SETDB1: variants seen among roughly 807,000 people sequenced by gnomAD.
The protein encoded by SETDB1 is SET domain bifurcated histone lysine methyltransferase 1.
Under a neutral mutation model 137.4 loss-of-function variants are expected in SETDB1, and 31 were observed. That is an observed-to-expected ratio of 0.23 (90% CI 0.17 to 0.30). The LOEUF is 0.30. Among genes scored for constraint, SETDB1 ranks in the 10% least tolerant of loss-of-function variants. The pLI, the probability that SETDB1 is intolerant of heterozygous loss-of-function variation, is 1.00. For synonymous variants in SETDB1, 548 were observed against 579.9 expected (o/e 0.95, Z 0.79); for missense variants, 1,113 against 1,631.5 (o/e 0.68, Z 5.47).
chr1:150,941,790 A>C (rs767483342), intron 5 of SETDB1, among the ~76,000 whole-genome samples: 68 of 151,890 alleles, frequency 4.5e-4, no homozygotes, highest in East Asian at 1.6e-3. Context: ...GCCCAGCATT[A>C]AAGACCAGCC....
rs772786937 is a variant in SETDB1, at chr1:150,962,739, T to C, written c.3294+20T>C. 6.2e-7 allele frequency: 1 copy of C among 1,611,646 alleles called. No homozygotes were observed. Among genetic ancestry groups the C allele is most frequent in the Non-Finnish European group, 8.5e-7 (1 of 1,178,484 alleles). Reference sequence around the variant, plus strand: ...CCTGATGTAAGTCACCTCAAGCTTATTCAGAGTCTAATAAAGGAAAATGGG... The same window carrying C: ...CCTGATGTAAGTCACCTCAAGCTTACTCAGAGTCTAATAAAGGAAAATGGG... On this transcript the variant is annotated intron_variant, in intron 18 of 21. Coordinates refer to ENST00000692827, the MANE Select transcript of SETDB1 (RefSeq NM_001366418.1).
intron 3 of SETDB1, among the ~76,000 whole-genome samples, chr1:150,932,240 A>G: frequency 1.3e-5 from 2 of 151,746 alleles, no homozygotes; most frequent in South Asian, 4.2e-4. Flanking sequence ...TTTTTTAAAA[A>G]AAAAGAAAGA....
chr1:150,946,452 ATT>A (rs975202697), intron 9 of SETDB1, among the ~76,000 whole-genome samples: 31 of 151,002 alleles, frequency 2.1e-4, no homozygotes, highest in Admixed American at 1.5e-3. Context: ...TAGATAAGGA[ATT>A]TTTTTTTGGG....
Position 150,963,129 on chromosome 1 carries a change from G to C in SETDB1, c.3450G>C (p.Lys1150Asn), listed in dbSNP as rs755383271. 8.7e-6 allele frequency: 14 copies of C among 1,611,748 alleles called. No individual in the cohort carries two copies. Among genetic ancestry groups the C allele is most frequent in the East Asian group, 4.5e-5 (2 of 44,856 alleles). ...AAGGGGATGACTTTGAGGACAAGAA[G>C]AACATGACTGGTAGCCTGGAAAAAT... is the stretch of plus-strand genomic sequence containing the variant. ...GSEGDDFEDK[K>N]NMTGPMKRQV... The change falls in exon 19 of 22, where the codon AAG (lysine) becomes AAC (asparagine). Residue 1150 changes from lysine to asparagine, a missense_variant. Lys to Asn is a moderately conservative substitution (Grantham distance 94, BLOSUM62 0). Transcript: ENST00000692827.
chr1:150,945,990 C>T (rs1022864118), intron 9 of SETDB1, among the ~76,000 whole-genome samples: 2 of 144,982 alleles, frequency 1.4e-5, no homozygotes, highest in African/African-American at 5.1e-5. Context: ...GCGTGAGCCA[C>T]CACGCCTGGC....
intron 3 of SETDB1, among the ~76,000 whole-genome samples, chr1:150,938,629 G>A (rs996816285): frequency 6.7e-6 from 1 of 149,606 alleles, no homozygotes; most frequent in African/African-American, 2.5e-5. Context: ...TCAGCCTCCC[G>A]AGTAGCTGGG....
intron 3 of SETDB1, among the ~76,000 whole-genome samples, chr1:150,930,644 C>T (rs1040732128): frequency 2.2e-5 from 3 of 138,812 alleles, no homozygotes; most frequent in East Asian, 2.3e-4. Context: ...TTCTCTGCTT[C>T]GACCTCCCAA....
At chr1:150,946,359 G>A (rs7521445) in intron 9 of SETDB1, among the ~76,000 whole-genome samples, 11,123 of 152,098 alleles carry the variant, frequency 0.073, 557 homozygotes, top group East Asian at 0.18. Flanking sequence ...TGTTGCTCCT[G>A]TAATTCCTTA....
chr1:150,962,982 G>C lies in SETDB1; in HGVS notation c.3303G>C (p.Leu1101=), dbSNP rs1386261878. 6.2e-7 allele frequency: 1 copy of C among 1,613,806 alleles called. No individual in the cohort carries two copies. The highest frequency in any genetic ancestry group is 8.5e-7 in the Non-Finnish European group (1 of 1,179,912). Residue 1101 remains leucine (L), a synonymous_variant, in exon 19 of 22, where the codon CTG becomes CTC. Transcript: ENST00000692827. The part of the protein sequence containing the change: ...ASAQSNPDDV[L]TLSSSTESEG... The stretch of plus-strand genomic sequence containing the variant: ...CCCTCCTGCTTCCCCAGGATGTCCT[G>C]ACACTGTCCAGCAGCACAGAAAGTG...
intron 3 of SETDB1, among the ~76,000 whole-genome samples, chr1:150,934,355 C>T (rs1669882112): frequency 1.3e-5 from 2 of 151,944 alleles, no homozygotes; most frequent in South Asian, 4.2e-4. Context: ...CACCTGTAGT[C>T]CCAGCTACTT....
chr1:150,950,642 A>G lies in SETDB1; in HGVS notation c.1768A>G (p.Met590Val). Residue 590 changes from methionine (M) to valine (V), a missense_variant, in exon 13 of 22, where the codon ATG becomes GTG. By Grantham distance (21) the Met-to-Val change is conservative (BLOSUM62 1). Around this residue, in one of 11 missense-constraint regions of SETDB1, gnomAD observed 192 missense variants for 198.1 expected, o/e 0.97. Coordinates refer to ENST00000692827, the MANE Select transcript of SETDB1 (RefSeq NM_001366418.1). ...SYTCLSRVRP[M>V]RNEQYRGKNP... is the part of the protein sequence containing the mutation. The stretch of plus-strand genomic sequence containing the variant: ...TACCTGTCTGTCTCGAGTCAGACCT[A>G]TGAGGAATGAGCAGTACCGGGGCAA... 1.9e-6 allele frequency: 3 copies of G among 1,614,108 alleles called. No individual in the cohort carries two copies. The highest frequency in any genetic ancestry group is 2.2e-5 in the South Asian group (2 of 91,090).
At chr1:150,942,139 CAAA>C (rs940063526) in intron 5 of SETDB1, among the ~76,000 whole-genome samples, 3 of 85,980 alleles carry the variant, frequency 3.5e-5, no homozygotes, top group African/African-American at 4.5e-5. Flanking sequence ...GACTCCATCT[CAAA>C]AAAAAAAAAA....
chr1:150,941,344 G>C lies in SETDB1; in HGVS notation c.463G>C (p.Ala155Pro). The change falls in exon 5 of 22, where the codon GCT becomes CCT. Residue 155 changes from alanine (A) to proline (P), a missense_variant. Coordinates refer to ENST00000692827, the MANE Select transcript of SETDB1 (RefSeq NM_001366418.1). Reference sequence around the variant, plus strand: ...TTTTCTACAGCTCCGTGAAGCTATGGCTGCCTTAAGAAAGTCAGCTCAAGA... The same window carrying C: ...TTTTCTACAGCTCCGTGAAGCTATGCCTGCCTTAAGAAAGTCAGCTCAAGA... ...PKDQKLREAM[A>P]ALRKSAQDVQ... The C allele has an allele frequency of 6.2e-7, 1 of 1,612,066 alleles. No individual in the cohort carries two copies. Among genetic ancestry groups the C allele is most frequent in the Non-Finnish European group, 8.5e-7 (1 of 1,178,250 alleles).
In SETDB1 at chr1:150,947,631, C is replaced by G. The variant is rs1670368624; in HGVS notation, c.1267+619C>G. Among the ~76,000 whole-genome samples, 3 of 152,060 alleles carry G rather than the reference C, an allele frequency of 2.0e-5. No homozygotes were observed. The South Asian group carries it at 6.2e-4, about 32-fold the overall frequency. ...TTCTACAAAAAAACACAAAAATTAG[C>G]TGGGTACAGTGGCATTAAGCTGTAG... On this transcript the variant is annotated intron_variant, in intron 10 of 21. Transcript: ENST00000692827.
chr1:150,964,656 G>C lies in SETDB1; in HGVS notation c.*292G>C, dbSNP rs939999974. The C allele has an allele frequency of 1.8e-5, 11 of 605,902 alleles. No individual in the cohort carries two copies. In the South Asian group the frequency reaches 2.2e-4, roughly 12 times the overall value. The allele number at this position is 605,902 out of a possible 1,614,324, so 37.5% of individuals were successfully genotyped here. On this transcript the variant is annotated 3_prime_UTR_variant, in exon 22 of 22. Coordinates refer to ENST00000692827, the MANE Select transcript of SETDB1 (RefSeq NM_001366418.1). ...AGTGTTCCTGCTTCTAACAGACTTT[G>C]TTCTTAGAATGGAGCCTGTGTATCT...
rs1243654506 is a variant in SETDB1 at position 150,950,641 on chromosome 1, T to G, written c.1767T>G (p.Pro589=). The G allele has an allele frequency of 1.2e-6, 2 of 1,614,150 alleles. No homozygotes were observed. The highest frequency in any genetic ancestry group is 1.7e-6 in the Non-Finnish European group (2 of 1,180,026). ...ATACCTGTCTGTCTCGAGTCAGACC[T>G]ATGAGGAATGAGCAGTACCGGGGCA... ...CSYTCLSRVR[P]MRNEQYRGKN... is the part of the protein sequence containing the mutation. Residue 589 remains proline (P), a synonymous_variant, in exon 13 of 22, where the codon CCT becomes CCG. Transcript: ENST00000692827.
rs587691163 is a variant in SETDB1 at position 150,955,973 on chromosome 1, T to C, written c.2334-3205T>C. On this transcript the variant is annotated intron_variant, in intron 14 of 21. Coordinates refer to ENST00000692827, the MANE Select transcript of SETDB1 (RefSeq NM_001366418.1). ...CAGGCGTGGTGGCACATGCCTGTAG[T>C]GCTAGCTACTCAGGAGGCTGAGATG... 2.6e-5 allele frequency among the ~76,000 whole-genome samples: 4 copies of C among 151,722 alleles called. No homozygotes were observed. In the South Asian group the frequency reaches 8.3e-4, roughly 31 times the overall value.
rs587668003 is a variant in SETDB1, at chr1:150,957,131, T to C, written c.2334-2047T>C. 7.8e-5 allele frequency among the ~76,000 whole-genome samples: 11 copies of C among 141,252 alleles called. No individual in the cohort carries two copies. The East Asian group carries it at 2.0e-3, about 26-fold the overall frequency. 92.7% of individuals were successfully genotyped at this position (141,252 alleles called of 152,430 possible). A position where few individuals can be genotyped will look rare whatever the true frequency, so the allele number is the denominator to read the frequency against. On this transcript the variant is annotated intron_variant, in intron 14 of 21. Coordinates refer to ENST00000692827, the MANE Select transcript of SETDB1 (RefSeq NM_001366418.1). ...GACCATGACTCAAAAAAAAAAAAAATGGGAGGTCGAAGCAGGTGGATCACC... is the reference window on the plus strand; with the variant it reads ...GACCATGACTCAAAAAAAAAAAAAACGGGAGGTCGAAGCAGGTGGATCACC...
Position 150,963,542 on chromosome 1 carries a change from G to A in SETDB1, c.3473G>A (p.Arg1158His), listed in dbSNP as rs1670892125. Reference protein sequence around the residue: ...DKKNMTGPMKRQVAVKSTRGF... With the variant: ...DKKNMTGPMKHQVAVKSTRGF... ...CCCTCCTGTCCAGGTCCAATGAAGC[G>A]TCAAGTGGCAGTAAAATCAACCCGA... Residue 1158 changes from arginine to histidine, a missense_variant, in exon 20 of 22, where the codon CGT becomes CAT. Arg to His is a conservative substitution (Grantham distance 29). Transcript: ENST00000692827. 1.9e-6 allele frequency: 3 copies of A among 1,612,454 alleles called. No homozygotes were observed. Among genetic ancestry groups the A allele is most frequent in the African/African-American group, 1.3e-5 (1 of 74,902 alleles).
Sources: allele counts gnomAD v4.1 joint callset (sites outside exome capture counted in the v4.1 genomes callset), GRCh38; gene constraint gnomAD v4.1.1; regional missense constraint gnomAD v4.1.1; transcripts MANE v1.5; gene names NCBI Gene and HGNC (gene_info 2026-07-23, HGNC 2026-07-21).